Variants in NAP1L1 observed in about 807,000 individuals in gnomAD.
The protein encoded by NAP1L1 is nucleosome assembly protein 1 like 1, also known as nucleosome assembly protein 1-like 1.
In NAP1L1, 9 loss-of-function variants were observed where a neutral mutation model predicts 58.9. The observed-to-expected ratio is 0.15, with a 90% confidence interval of 0.09 to 0.27. The LOEUF (loss-of-function observed/expected upper bound fraction) is 0.27. Ranked by LOEUF, NAP1L1 falls within the 10% of genes least tolerant of loss-of-function variation. NAP1L1 has a pLI of 1.00. For missense variants in NAP1L1, 302 were observed against 458.8 expected, an observed-to-expected ratio of 0.66 and a Z score of 3.12; for synonymous variants, 130 against 138.3, an observed-to-expected ratio of 0.94 and a Z score of 0.42.
At position 76,037,790 on chromosome 12, in the gene NAP1L1, T is replaced by TCA. The variant is rs1215863473; in HGVS notation, c.*10638_*10639insTG. ...CCTTCCTAATCACTTCAAACTCTGA[T>TCA]GAGTAGTTATCCAATTTTCACGTCT... On this transcript the variant is annotated 3_prime_UTR_variant, in exon 15 of 15. Coordinates refer to ENST00000618691, the MANE Select transcript of NAP1L1 (RefSeq NM_004537.7). 2 of 152,212 alleles carry TCA rather than the reference T, an allele frequency of 1.3e-5. No homozygotes were observed. Among genetic ancestry groups the TCA allele is most frequent in the Non-Finnish European group, 2.9e-5 (2 of 68,042 alleles). 9.4% of individuals were successfully genotyped at this position (152,212 alleles called of 1,614,324 possible).
rs1257838557 is a variant in NAP1L1, at chr12:76,046,781, T to C, written c.*1648A>G. On this transcript the variant is annotated 3_prime_UTR_variant, in exon 15 of 15. Transcript: ENST00000618691. ...ATCCACCCTCACTGTCAAAAAAAAG[T>C]TCAACCCCAAAATTAACAGTAATTA... 1 of 152,444 alleles carries C rather than the reference T, an allele frequency of 6.6e-6. No individual in the cohort carries two copies. Among genetic ancestry groups the C allele is most frequent in the Non-Finnish European group, 1.5e-5 (1 of 67,908 alleles). 9.4% of individuals were successfully genotyped at this position (152,444 alleles called of 1,614,324 possible).
chr12:76,049,023 G>T, intron 14 of NAP1L1, 177 bp downstream of exon 14: 1 of 558,108 alleles, frequency 1.8e-6, no homozygotes, highest in African/African-American at 1.9e-5. Flanking sequence ...TTAGAAAAAC[G>T]TCCACTGAAA....
At chr12:76,052,275 ACCC>A (rs1565716884) in intron 11 of NAP1L1, among the ~76,000 whole-genome samples, 1 of 152,042 alleles carries the variant, frequency 6.6e-6, no homozygotes, top group East Asian at 1.9e-4. Context: ...ACAAAAAAAA[ACCC>A]CAAACTTGAA....
intron 11 of NAP1L1, among the ~76,000 whole-genome samples, chr12:76,052,616 C>T (rs548472524): frequency 1.3e-5 from 2 of 152,266 alleles, no homozygotes; most frequent in East Asian, 1.9e-4. Context: ...TGTGTATAGA[C>T]TTTCTTTAAG....
In NAP1L1 at chr12:76,044,610, T is replaced by C. The variant is rs1013423582; in HGVS notation, c.*3819A>G. 6.6e-6 allele frequency: 1 copy of C among 152,176 alleles called. No homozygotes were observed. Among genetic ancestry groups the C allele is most frequent in the Admixed American group, 6.5e-5 (1 of 15,276 alleles). 9.4% of individuals were successfully genotyped at this position (152,176 alleles called of 1,614,324 possible). A position where few individuals can be genotyped will look rare whatever the true frequency, so the allele number is the denominator to read the frequency against. On this transcript the variant is annotated 3_prime_UTR_variant, in exon 15 of 15. Coordinates refer to ENST00000618691, the MANE Select transcript of NAP1L1 (RefSeq NM_004537.7). Reference sequence around the variant, plus strand: ...GTAGAAGATGTGTTTAATACTCCAATAAACTCATAAAGCTGAAGTCTTAAG... The same window carrying C: ...GTAGAAGATGTGTTTAATACTCCAACAAACTCATAAAGCTGAAGTCTTAAG...
Position 76,059,782 on chromosome 12 carries a change from T to C in NAP1L1, c.429+16A>G. ...TTATCATCTTAAAAACATACCAAAA[T>C]AAAGTTGGTACTAACCGAAATCTCA... On this transcript the variant is annotated intron_variant, in intron 6 of 14. Transcript: ENST00000618691. 2 of 1,549,418 alleles carry C rather than the reference T, an allele frequency of 1.3e-6. No homozygotes were observed. Among genetic ancestry groups the C allele is most frequent in the Non-Finnish European group, 1.8e-6 (2 of 1,132,692 alleles).
At chr12:76,057,556 G>A (rs1476417554) in intron 6 of NAP1L1, 13 of 865,064 alleles carry the variant, frequency 1.5e-5, no homozygotes, top group Middle Eastern at 3.3e-4. Flanking sequence ...TGACGTTTCC[G>A]ATTCCAATAG....
intron 2 of NAP1L1, among the ~76,000 whole-genome samples, chr12:76,071,640 ACTGGTAG>A (rs1006208374): frequency 3.3e-5 from 5 of 152,180 alleles, no homozygotes; most frequent in African/African-American, 1.2e-4. Context: ...AAGGATAAGA[ACTGGTAG>A]CACCAGGTAC....
At chr12:76,063,396 A>G (rs112115910) in intron 4 of NAP1L1, among the ~76,000 whole-genome samples, 25 of 152,384 alleles carry the variant, frequency 1.6e-4, no homozygotes, top group Non-Finnish European at 3.1e-4. Context: ...GGGAAGCAGA[A>G]AAGAAGGAAG....
At chr12:76,079,895 T>C (rs1252141975) in intron 1 of NAP1L1, among the ~76,000 whole-genome samples, 5 of 152,216 alleles carry the variant, frequency 3.3e-5, no homozygotes, top group African/African-American at 7.2e-5. Context: ...TGTCTCACTA[T>C]GTCGCCTAGA....
intron 6 of NAP1L1, among the ~76,000 whole-genome samples, chr12:76,058,977 T>C (rs1949276606): frequency 6.6e-6 from 1 of 152,192 alleles, no homozygotes; most frequent in African/African-American, 2.4e-5. Flanking sequence ...TTTGGTAAAG[T>C]ATACTAAAAG....
rs1212465486 is a variant in NAP1L1 at position 76,047,425 on chromosome 12, CT to C, written c.*1003del. 2 of 146,286 alleles carry C rather than the reference CT, an allele frequency of 1.4e-5. No individual in the cohort carries two copies. The highest frequency in any genetic ancestry group is 5.1e-5 in the African/African-American group (2 of 38,902). The allele number at this position is 146,286 out of a possible 1,614,324, so 9.1% of individuals were successfully genotyped here. On this transcript the variant is annotated 3_prime_UTR_variant, in exon 15 of 15. Coordinates refer to ENST00000618691, the MANE Select transcript of NAP1L1 (RefSeq NM_004537.7). ...GCATCAATCACTTAAGATTTTCTTC[CT>C]CTTTTTTTTTTTTTTTTACACTTGC... is the stretch of plus-strand genomic sequence containing the variant.
rs1024072736 is a variant in NAP1L1, at chr12:76,039,777, T to G, written c.*8652A>C. 1 of 152,234 alleles carries G rather than the reference T, an allele frequency of 6.6e-6. No homozygotes were observed. Among genetic ancestry groups the G allele is most frequent in the African/African-American group, 2.4e-5 (1 of 41,458 alleles). The allele number at this position is 152,234 out of a possible 1,614,324, so 9.4% of individuals were successfully genotyped here. ...CTTATGCATAAAAAGGGAATTAATATTCTCAATCAAGTATGATTAAGGCAT... is the reference window on the plus strand; with the variant it reads ...CTTATGCATAAAAAGGGAATTAATAGTCTCAATCAAGTATGATTAAGGCAT... On this transcript the variant is annotated 3_prime_UTR_variant, in exon 15 of 15. Coordinates refer to ENST00000618691, the MANE Select transcript of NAP1L1 (RefSeq NM_004537.7).
chr12:76,063,520 G>A (rs1272295717), intron 4 of NAP1L1, among the ~76,000 whole-genome samples: 3 of 152,318 alleles, frequency 2.0e-5, no homozygotes, highest in East Asian at 1.9e-4. Context: ...CATTGAGGCC[G>A]AGTGTGGTGG....
intron 6 of NAP1L1, 184 bp from the exon 7 acceptor site, chr12:76,056,345 C>A: frequency 1.8e-6 from 1 of 556,248 alleles, no homozygotes; most frequent in South Asian, 2.2e-5. Context: ...CTACCACACC[C>A]CTCCAAAGAG....
At chr12:76,082,552 A>C (rs754768064) in intron 1 of NAP1L1, among the ~76,000 whole-genome samples, 1 of 152,220 alleles carries the variant, frequency 6.6e-6, no homozygotes, top group Non-Finnish European at 1.5e-5. Context: ...TGACTTGGAG[A>C]ATCTATGAAA....
intron 1 of NAP1L1, among the ~76,000 whole-genome samples, chr12:76,081,690 T>C (rs1470990505): frequency 1.3e-5 from 2 of 152,332 alleles, no homozygotes; most frequent in African/African-American, 2.4e-5. Context: ...ACCAAAGGTA[T>C]AGAAGCCATT....
chr12:76,051,240 T>C (rs1277054134), intron 11 of NAP1L1, among the ~76,000 whole-genome samples: 1 of 152,144 alleles, frequency 6.6e-6, no homozygotes, highest in Non-Finnish European at 1.5e-5. Context: ...TGCTTAGTTT[T>C]TGCTGGTTTA....
At chr12:76,054,056 G>T in intron 8 of NAP1L1, 147 bp from the exon 9 acceptor site, 1 of 990,502 alleles carries the variant, frequency 1.0e-6, no homozygotes, top group Non-Finnish European at 1.4e-6. Flanking sequence ...TTGAGACTGA[G>T]TCTTGCATTG....
Sources: gnomAD v4.1 joint callset for allele counts (sites outside exome capture counted in the v4.1 genomes callset) on GRCh38, gnomAD v4.1.1 for gene constraint, MANE v1.5 for transcripts, NCBI Gene and HGNC (gene_info 2026-07-23, HGNC 2026-07-21) for gene names.